IDO2: variants seen among roughly 807,000 people sequenced by gnomAD.
IDO2 encodes the protein indoleamine 2,3-dioxygenase-like 1 protein.
In IDO2, 46 loss-of-function variants were observed where a neutral mutation model predicts 45.1. The ratio of observed to expected loss-of-function variants is 1.02; its 90% confidence interval spans 0.80 to 1.30. IDO2 has a LOEUF of 1.30. IDO2 is among the 50% of genes most tolerant of loss of function. IDO2 has a pLI of 0.00. For missense variants in IDO2, 544 were observed against 491.8 expected (o/e 1.11, Z -1.00); for synonymous variants, 218 against 184.9 (o/e 1.18, Z -1.45).
At chr8:40,012,578 G>C (rs1161565854) in intron 9 of IDO2, among the ~76,000 whole-genome samples, 1 of 152,196 alleles carries the variant, frequency 6.6e-6, no homozygotes, top group Non-Finnish European at 1.5e-5. Context: ...ACATGAACTT[G>C]TTTTGGACAC....
In IDO2 at chr8:39,951,275, A is replaced by ATTTTTTTTT. The variant is rs71220803; in HGVS notation, c.99+2019_99+2027dup. On this transcript the variant is annotated intron_variant, in intron 2 of 10. Coordinates refer to ENST00000502986, the Ensembl canonical transcript of IDO2. ...AATGACTGCAACATCGGACCCCAAG[A>ATTTTTTTTT]TTTTTTTTTTTTTTTTCTGAGATAG... 7.1e-4 allele frequency among the ~76,000 whole-genome samples: 96 copies of ATTTTTTTTT among 136,010 alleles called. 4 individuals are homozygous for ATTTTTTTTT. The highest frequency in any genetic ancestry group is 3.9e-3 in the Middle Eastern group (1 of 254). The allele number at this position is 136,010 out of a possible 152,430, so 89.2% of individuals were successfully genotyped here.
At chr8:39,951,265 G>A (rs976392473) in intron 2 of IDO2, among the ~76,000 whole-genome samples, 4 of 124,404 alleles carry the variant, frequency 3.2e-5, no homozygotes, top group Non-Finnish European at 6.8e-5. Context: ...CTGCAACATC[G>A]GACCCCAAGA....
intron 4 of IDO2, among the ~76,000 whole-genome samples, chr8:39,982,211 C>CT (rs1808363515): frequency 6.9e-6 from 1 of 144,096 alleles, no homozygotes; most frequent in South Asian, 2.2e-4. Flanking sequence ...ATCTATGTAT[C>CT]TATCATCTCT....
chr8:39,985,226 G>A (rs76787392), intron 5 of IDO2: 11,092 of 474,360 alleles, frequency 0.023, 1,034 homozygotes, highest in African/African-American at 0.2. Flanking sequence ...ACTGTGCCCA[G>A]CCTAATAATA....
chr8:39,939,135 C>T (rs1354973908), intron 1 of IDO2, among the ~76,000 whole-genome samples: 4 of 150,716 alleles, frequency 2.7e-5, no homozygotes, highest in Admixed American at 6.7e-5. Context: ...GCCTGCTACT[C>T]GGGAGTCTGA....
At chr8:39,955,978 G>A (rs549677476) in intron 2 of IDO2, among the ~76,000 whole-genome samples, 23 of 152,014 alleles carry the variant, frequency 1.5e-4, no homozygotes, top group African/African-American at 5.3e-4. Context: ...AATAGCAACA[G>A]TGGATAGTTG....
chr8:39,948,950 CTGTT>C (rs1400850152), intron 1 of IDO2, among the ~76,000 whole-genome samples, 195 bp from the exon 2 acceptor site: 33 of 152,212 alleles, frequency 2.2e-4, no homozygotes, highest in Admixed American at 1.4e-3. Flanking sequence ...TTTGGTTTGT[CTGTT>C]TGTTTAAGCA....
At position 39,951,049 on chromosome 8, in the gene IDO2, A is replaced by AAACAAAACAAAACAG. The variant is rs1554544693; in HGVS notation, c.99+1786_99+1800dup. On this transcript the variant is annotated intron_variant, in intron 2 of 10. Transcript: ENST00000502986. ...TCTCAAAACAAAACAAAACAAAACA[A>AAACAAAACAAAACAG]AACAAAACAAAACAGCTCTCTACTC... 4.7e-4 allele frequency among the ~76,000 whole-genome samples: 71 copies of AAACAAAACAAAACAG among 151,250 alleles called. 2 individuals carry two copies. In the South Asian group the frequency reaches 7.7e-3, roughly 16 times the overall value.
chr8:39,954,939 A>T (rs905895790), intron 2 of IDO2, among the ~76,000 whole-genome samples: 3 of 151,424 alleles, frequency 2.0e-5, no homozygotes, highest in African/African-American at 7.3e-5. Context: ...TTACAGGCAT[A>T]AGCTACTGTG....
At chr8:39,983,480 C>T (rs991034161) in intron 5 of IDO2, among the ~76,000 whole-genome samples, 2 of 152,172 alleles carry the variant, frequency 1.3e-5, no homozygotes, top group South Asian at 4.1e-4. Context: ...TGAGGAAGAA[C>T]TTCCTCAGCC....
intron 1 of IDO2, among the ~76,000 whole-genome samples, chr8:39,947,192 AAAAG>A (rs1807747774): frequency 6.6e-6 from 1 of 151,622 alleles, no homozygotes; most frequent in African/African-American, 2.4e-5. Flanking sequence ...AAAAAAAAAA[AAAAG>A]AAGTAGAGTG....
intron 8 of IDO2, among the ~76,000 whole-genome samples, chr8:39,992,986 C>G (rs1801962648): frequency 6.6e-6 from 1 of 152,096 alleles, no homozygotes; most frequent in South Asian, 2.1e-4. Context: ...GAGTGGAAGA[C>G]AGAACCAGCC....
chr8:39,952,870 G>A (rs981281937), intron 2 of IDO2, among the ~76,000 whole-genome samples: 21 of 151,796 alleles, frequency 1.4e-4, no homozygotes, highest in African/African-American at 5.1e-4. Flanking sequence ...CCGGGTTCAA[G>A]CGATTCTCCT....
chr8:39,999,263 C>T (rs1242064172), intron 8 of IDO2, among the ~76,000 whole-genome samples: 1 of 140,094 alleles, frequency 7.1e-6, no homozygotes, highest in African/African-American at 2.6e-5. Context: ...CCTTGGGCTT[C>T]ATTCTGCTGC....
chr8:39,988,142 T>C (rs1283248287), intron 7 of IDO2, among the ~76,000 whole-genome samples, 172 bp downstream of exon 7: 1 of 152,190 alleles, frequency 6.6e-6, no homozygotes, highest in Non-Finnish European at 1.5e-5. Context: ...TTTGCTCCCT[T>C]TTCTCAATTC....
intron 3 of IDO2, among the ~76,000 whole-genome samples, chr8:39,977,486 C>T (rs142870188): frequency 4.0e-4 from 61 of 152,310 alleles, no homozygotes; most frequent in African/African-American, 1.4e-3. Flanking sequence ...TTGAGACTAA[C>T]CTGGGCAACA....
At chr8:39,949,126 C>A in intron 1 of IDO2, 23 bp from the exon 2 acceptor site, 4 of 1,577,470 alleles carry the variant, frequency 2.5e-6, no homozygotes, top group Non-Finnish European at 3.4e-6. Flanking sequence ...ACAATTGATT[C>A]TTCAGTGACA....
intron 1 of IDO2, among the ~76,000 whole-genome samples, chr8:39,939,698 T>A (rs200861528): frequency 1.4e-5 from 2 of 140,632 alleles, no homozygotes; most frequent in East Asian, 2.1e-4. Context: ...ATAAAAGAGT[T>A]AAAAAAAAAA....
At chr8:40,010,206 A>G (rs1467093418) in intron 9 of IDO2, among the ~76,000 whole-genome samples, 1 of 152,220 alleles carries the variant, frequency 6.6e-6, no homozygotes, top group Non-Finnish European at 1.5e-5. Context: ...AGAGTGCCAC[A>G]GCCCTCTATG....
Sources: allele counts gnomAD v4.1 joint callset (sites outside exome capture counted in the v4.1 genomes callset), GRCh38; gene constraint gnomAD v4.1.1; transcripts MANE v1.5; gene names NCBI Gene and HGNC (gene_info 2026-07-23, HGNC 2026-07-21).